The following EDN1 variants were observed in gnomAD, a reference collection of about 807,000 sequenced individuals.
EDN1 encodes the protein endothelin-1.
In EDN1, 11 loss-of-function variants were observed where a neutral mutation model predicts 21.7. The ratio of observed to expected loss-of-function variants is 0.51; its 90% CI spans 0.32 to 0.84. The LOEUF (loss-of-function observed/expected upper bound fraction) is 0.84. Among genes scored for constraint, EDN1 ranks in the 40% least tolerant of loss-of-function variants. The pLI, the probability that EDN1 is intolerant of heterozygous loss-of-function variation, is 0.03. For synonymous variants in EDN1, 85 were observed against 90.6 expected (o/e 0.94, Z 0.35); for missense variants, 244 against 262.3 (o/e 0.93, Z 0.48).
upstream of EDN1, among the ~76,000 whole-genome samples, chr6:12,289,950 T>TA (rs926636978): frequency 1.3e-5 from 2 of 151,950 alleles, no homozygotes; most frequent in East Asian, 1.9e-4. Context: ...GAGCAACAAT[T>TA]AAAAAAAATT....
chr6:12,252,863 A>T, the EDN1 span, among the ~76,000 whole-genome samples: 37,353 of 152,094 alleles, frequency 0.25, 5,559 homozygotes, highest in Non-Finnish European at 0.34. Context: ...AAGTTAGAAG[A>T]TAAAGATAAA....
rs61701314 is a variant in EDN1, at chr6:12,294,920, CTT to C, written c.533+535_533+536del. ...ACATGCTGTTTTTCAGGTTTATGGT[CTT>C]TTTTTTTTTTTTTTTTTTAAATAGG... On this transcript the variant is annotated intron_variant, in intron 4 of 4. Transcript: ENST00000379375. 2.1e-4 allele frequency among the ~76,000 whole-genome samples: 23 copies of C among 107,626 alleles called. No individual in the cohort carries two copies. In the East Asian group the frequency reaches 3.0e-3, roughly 14 times the overall value. 70.6% of individuals were successfully genotyped at this position (107,626 alleles called of 152,430 possible).
chr6:12,246,511 C>T, the EDN1 span, among the ~76,000 whole-genome samples: 1 of 152,158 alleles, frequency 6.6e-6, no homozygotes, highest in African/African-American at 2.4e-5. Context: ...CTGGCAAGAT[C>T]CTGGGCGTGC....
At chr6:12,243,905 A>T in the EDN1 span, among the ~76,000 whole-genome samples, 5 of 152,236 alleles carry the variant, frequency 3.3e-5, no homozygotes, top group African/African-American at 9.6e-5. Flanking sequence ...TTCTTTTTTT[A>T]TTTGTCAATT....
At chr6:12,274,284 A>G in the EDN1 span, among the ~76,000 whole-genome samples, 3 of 152,240 alleles carry the variant, frequency 2.0e-5, no homozygotes, top group Non-Finnish European at 2.9e-5. Flanking sequence ...TAGCAACTTA[A>G]GACCTTGCTA....
intron 1 of EDN1, among the ~76,000 whole-genome samples, chr6:12,291,868 C>A (rs1402948018): frequency 6.6e-6 from 1 of 152,130 alleles, no homozygotes; most frequent in African/African-American, 2.4e-5. Context: ...TGGATGGGTA[C>A]CCCCTAAAGA....
At chr6:12,285,219 A>C in the EDN1 span, among the ~76,000 whole-genome samples, 1 of 152,292 alleles carries the variant, frequency 6.6e-6, no homozygotes, top group African/African-American at 2.4e-5. Context: ...AGTGGCACTC[A>C]GAGAGGAGAT....
chr6:12,264,586 T>TA, the EDN1 span, among the ~76,000 whole-genome samples: 2 of 152,100 alleles, frequency 1.3e-5, no homozygotes, highest in Admixed American at 1.3e-4. Context: ...GGGCCACACA[T>TA]AAAACACACT....
At chr6:12,272,317 C>G in the EDN1 span, among the ~76,000 whole-genome samples, 2 of 152,166 alleles carry the variant, frequency 1.3e-5, no homozygotes, top group African/African-American at 4.8e-5. Flanking sequence ...GGCAGAGAAG[C>G]TGGAATTTGA....
chr6:12,291,125 G>T (rs987717385), intron 1 of EDN1, among the ~76,000 whole-genome samples: 1 of 152,010 alleles, frequency 6.6e-6, no homozygotes, highest in East Asian at 1.9e-4. Flanking sequence ...AAGCATTCCA[G>T]CTTGAAGCCA....
At chr6:12,251,734 T>A in the EDN1 span, among the ~76,000 whole-genome samples, 1 of 152,146 alleles carries the variant, frequency 6.6e-6, no homozygotes, top group Non-Finnish European at 1.5e-5. Context: ...CAGCCTGGAT[T>A]TCCACTGCAC....
At chr6:12,283,348 C>T in the EDN1 span, among the ~76,000 whole-genome samples, 1 of 152,050 alleles carries the variant, frequency 6.6e-6, no homozygotes, top group South Asian at 2.1e-4. Context: ...TTTATTCAAT[C>T]TCTTCTCTTG....
At chr6:12,248,230 G>T in the EDN1 span, among the ~76,000 whole-genome samples, 1 of 152,192 alleles carries the variant, frequency 6.6e-6, no homozygotes, top group Non-Finnish European at 1.5e-5. Flanking sequence ...ACACAGCCTT[G>T]ACATGGAGCA....
chr6:12,261,630 A>T, the EDN1 span, among the ~76,000 whole-genome samples: 2 of 152,228 alleles, frequency 1.3e-5, no homozygotes, highest in African/African-American at 4.8e-5. Flanking sequence ...ACTTCCCCTA[A>T]TGCTAAGGTG....
the EDN1 span, among the ~76,000 whole-genome samples, chr6:12,247,536 C>CTTTTTTT: frequency 3.7e-4 from 36 of 97,756 alleles, no homozygotes; most frequent in Non-Finnish European, 5.1e-4. Flanking sequence ...TTCTTTCTTT[C>CTTTTTTT]TTTTTTTTTT....
At chr6:12,241,075 T>G in the EDN1 span, among the ~76,000 whole-genome samples, 2 of 152,098 alleles carry the variant, frequency 1.3e-5, no homozygotes, top group African/African-American at 4.8e-5. Flanking sequence ...TTTCAGTCAC[T>G]CTCAGCTGAA....
chr6:12,248,164 T>C, the EDN1 span, among the ~76,000 whole-genome samples: 1 of 152,186 alleles, frequency 6.6e-6, no homozygotes, highest in South Asian at 2.1e-4. Flanking sequence ...CAAAAGATTA[T>C]ACAAAAGGAG....
At chr6:12,262,943 TG>T in the EDN1 span, among the ~76,000 whole-genome samples, 1 of 152,034 alleles carries the variant, frequency 6.6e-6, no homozygotes, top group Non-Finnish European at 1.5e-5. Flanking sequence ...CAAATGTTTA[TG>T]TTTAACCTAG....
chr6:12,266,800 G>T, the EDN1 span, among the ~76,000 whole-genome samples: 1 of 152,266 alleles, frequency 6.6e-6, no homozygotes, highest in Non-Finnish European at 1.5e-5. Context: ...CCACAGGAAG[G>T]TATTATGGCT....
Sources: gnomAD v4.1 joint callset for allele counts (sites outside exome capture counted in the v4.1 genomes callset) on GRCh38, gnomAD v4.1.1 for gene constraint, MANE v1.5 for transcripts, NCBI Gene and HGNC (gene_info 2026-07-23, HGNC 2026-07-21) for gene names.